COL24A1: variants seen among roughly 807,000 people sequenced by gnomAD.
COL24A1 encodes the protein collagen type XXIV alpha 1 chain.
A neutral mutation model predicts 253.9 loss-of-function variants in COL24A1; 224 were observed. That is an observed-to-expected ratio of 0.88 (90% confidence interval 0.79 to 0.99). The LOEUF is 0.99. Among genes scored for constraint, COL24A1 ranks in the 50% least tolerant of loss-of-function variants. The pLI is 0.00. For missense variants in COL24A1, 2,131 were observed against 2,068.5 expected, an observed-to-expected ratio of 1.03 and a Z score of -0.59; for synonymous variants, 685 against 673.7, an observed-to-expected ratio of 1.02 and a Z score of -0.26.
chr1:86,036,386 TG>T (rs1699024062), intron 12 of COL24A1, among the ~76,000 whole-genome samples: 1 of 152,184 alleles, frequency 6.6e-6, no homozygotes, highest in Non-Finnish European at 1.5e-5. Flanking sequence ...ATCCCTCATA[TG>T]TTGATCATGT....
chr1:86,065,405 A>G (rs898481581), intron 7 of COL24A1, among the ~76,000 whole-genome samples: 17 of 152,140 alleles, frequency 1.1e-4, no homozygotes, highest in Admixed American at 1.1e-3. Context: ...ATAGTGAACT[A>G]TGTGTATATA....
intron 9 of COL24A1, 65 bp from the exon 10 acceptor site, chr1:86,058,040 A>ATTTCC: frequency 7.6e-7 from 1 of 1,320,666 alleles, no homozygotes; most frequent in Non-Finnish European, 1.1e-6. Flanking sequence ...TAAATAGATT[A>ATTTCC]ATAAAAAGGC....
intron 55 of COL24A1, among the ~76,000 whole-genome samples, chr1:85,748,331 C>T (rs420515): frequency 0.89 from 135,657 of 152,272 alleles, 61,190 homozygotes; most frequent in Non-Finnish European, 0.97. Flanking sequence ...GCTTTTGAAG[C>T]AATCACTACA....
intron 19 of COL24A1, among the ~76,000 whole-genome samples, chr1:86,009,886 T>C (rs914150662): frequency 1.3e-5 from 2 of 152,134 alleles, no homozygotes; most frequent in African/African-American, 2.4e-5. Context: ...AGGCCCATCG[T>C]TGACCAAAAC....
intron 47 of COL24A1, among the ~76,000 whole-genome samples, chr1:85,795,713 T>A (rs1254030720): frequency 6.6e-6 from 1 of 152,124 alleles, no homozygotes; most frequent in Admixed American, 6.5e-5. Flanking sequence ...AGTTATTAAC[T>A]ATGTGAGAAG....
At chr1:86,150,293 G>T (rs1448340732) in intron 1 of COL24A1, among the ~76,000 whole-genome samples, 1 of 152,120 alleles carries the variant, frequency 6.6e-6, no homozygotes, top group Non-Finnish European at 1.5e-5. Flanking sequence ...TACCTTTTAT[G>T]AAAGTAAATA....
Position 85,950,555 on chromosome 1 carries a change from G to C in COL24A1, c.2562+10694C>G, listed in dbSNP as rs181063914. Among the ~76,000 whole-genome samples the C allele has an allele frequency of 1.1e-3, 172 of 152,182 alleles. 5 individuals are homozygous for C. Among genetic ancestry groups the C allele is most frequent in the Admixed American group, 0.011 (170 of 15,274 alleles). On this transcript the variant is annotated intron_variant, in intron 24 of 59. Transcript: ENST00000370571. ...TATTAGGCTTGAAAACCTGAAAACA[G>C]CCTCAAACAATGGCATAAATAAGTT...
intron 35 of COL24A1, among the ~76,000 whole-genome samples, chr1:85,870,199 A>C (rs1680296597): frequency 6.6e-6 from 1 of 152,228 alleles, no homozygotes; most frequent in Non-Finnish European, 1.5e-5. Flanking sequence ...TCATAAAGCA[A>C]GTCCTCAGAG....
rs72950621 is a variant in COL24A1, at chr1:85,778,111, G to A, written c.4339-2402C>T. 2.8e-3 allele frequency among the ~76,000 whole-genome samples: 419 copies of A among 151,796 alleles called. 2 individuals are homozygous for A. Among genetic ancestry groups the A allele is most frequent in the African/African-American group, 9.4e-3 (390 of 41,402 alleles). ...ATACACGTATCCATAGCAACAGATAGGTAGATAATTTTTTATTTTTAAATT... is the reference window on the plus strand; with the variant it reads ...ATACACGTATCCATAGCAACAGATAAGTAGATAATTTTTTATTTTTAAATT... On this transcript the variant is annotated intron_variant, in intron 52 of 59. Coordinates refer to ENST00000370571, the MANE Select transcript of COL24A1 (RefSeq NM_152890.7).
In COL24A1 at chr1:85,896,065, C is replaced by G; in HGVS notation, c.2833G>C (p.Gly945Arg). The G allele has an allele frequency of 6.2e-7, 1 of 1,612,734 alleles. No individual in the cohort carries two copies. Among genetic ancestry groups the G allele is most frequent in the Non-Finnish European group, 8.5e-7 (1 of 1,179,494 alleles). ...LGEQGIQGAKGEKGDQGKRGP... is the reference protein window; with the variant it reads ...LGEQGIQGAKREKGDQGKRGP... ...CTTTTTCCTTGATCTCCTTTTTCAC[C>G]CTAACAAAGTATCAAAGCCAGGTGA... The change falls in exon 30 of 60, where the codon GGT becomes CGT. Residue 945 changes from glycine (G) to arginine (R), a missense_variant and splice_region_variant. Gly to Arg is a moderately radical substitution (Grantham distance 125). Transcript: ENST00000370571.
At chr1:86,148,738 C>G (rs1267370643) in intron 1 of COL24A1, among the ~76,000 whole-genome samples, 2 of 152,116 alleles carry the variant, frequency 1.3e-5, no homozygotes, top group African/African-American at 4.8e-5. Context: ...TTTTCTTAAT[C>G]CAGTCTATCA....
chr1:85,791,419 CA>C (rs1221795527), intron 47 of COL24A1, among the ~76,000 whole-genome samples: 1 of 151,950 alleles, frequency 6.6e-6, no homozygotes, highest in Non-Finnish European at 1.5e-5. Flanking sequence ...AGCTATGGAT[CA>C]AAAAAAGAAT....
At chr1:86,069,770 AAGGC>A (rs1268519276) in intron 7 of COL24A1, among the ~76,000 whole-genome samples, 5 of 152,230 alleles carry the variant, frequency 3.3e-5, no homozygotes, top group African/African-American at 1.2e-4. Context: ...TAAGACCACC[AAGGC>A]AGTACCTCTA....
At chr1:85,891,176 G>A (rs55825114) in intron 31 of COL24A1, among the ~76,000 whole-genome samples, 5,894 of 150,178 alleles carry the variant, frequency 0.039, 171 homozygotes, top group Non-Finnish European at 0.061. Context: ...TCGGCCTCCC[G>A]AGTAGCTGGG....
At chr1:86,147,462 C>A (rs114898859) in intron 1 of COL24A1, among the ~76,000 whole-genome samples, 351 of 152,310 alleles carry the variant, frequency 2.3e-3, no homozygotes, top group African/African-American at 8.1e-3. Flanking sequence ...ACAAACAGAT[C>A]AACTGAATCA....
In COL24A1 at chr1:85,896,049, T is replaced by G. The variant is rs1683664654; in HGVS notation, c.2849A>C (p.Gln950Pro). 6.2e-7 allele frequency: 1 copy of G among 1,612,812 alleles called. No individual in the cohort carries two copies. Among genetic ancestry groups the G allele is most frequent in the African/African-American group, 1.3e-5 (1 of 74,852 alleles). ...AAGACCATGAGGCCCTCTTTTTCCT[T>G]GATCTCCTTTTTCACCCTAACAAAG... ...IQGAKGEKGDQGKRGPHGLIG... is the reference protein window; with the variant it reads ...IQGAKGEKGDPGKRGPHGLIG... Residue 950 changes from glutamine (Q) to proline (P), a missense_variant, in exon 30 of 60, where the codon CAA becomes CCA. Physicochemically the swap from Gln to Pro is moderately conservative, Grantham distance 76. Coordinates refer to ENST00000370571, the MANE Select transcript of COL24A1 (RefSeq NM_152890.7).
At chr1:85,839,317 G>T (rs1676359992) in intron 42 of COL24A1, among the ~76,000 whole-genome samples, 6 of 152,124 alleles carry the variant, frequency 3.9e-5, no homozygotes, top group Non-Finnish European at 7.4e-5. Flanking sequence ...GATTGAAAAA[G>T]ATTTAAGCAG....
intron 10 of COL24A1, among the ~76,000 whole-genome samples, 154 bp downstream of exon 10, chr1:86,057,777 G>C (rs1458500570): frequency 6.6e-6 from 1 of 152,152 alleles, no homozygotes; most frequent in African/African-American, 2.4e-5. Context: ...TGTCATCATA[G>C]AAGTGAAAGC....
At chr1:85,959,093 T>C (rs185083302) in intron 24 of COL24A1, among the ~76,000 whole-genome samples, 67 of 152,240 alleles carry the variant, frequency 4.4e-4, no homozygotes, top group African/African-American at 1.5e-3. Context: ...AAGATAGATG[T>C]CATGAAGTGC....
Sources: allele counts gnomAD v4.1 joint callset (sites outside exome capture counted in the v4.1 genomes callset), GRCh38; gene constraint gnomAD v4.1.1; transcripts MANE v1.5; gene names NCBI Gene and HGNC (gene_info 2026-07-23, HGNC 2026-07-21).